The following HPSE2 variants were observed in gnomAD, a reference collection of about 807,000 sequenced individuals.
HPSE2 encodes inactive heparanase-2.
A neutral mutation model predicts 60.5 loss-of-function variants in HPSE2; 38 were observed. The observed-to-expected ratio is 0.63, with a 90% CI of 0.48 to 0.82. The LOEUF is 0.82. Ranked by LOEUF, HPSE2 falls within the 40% of genes least tolerant of loss-of-function variation. HPSE2 has a pLI of 0.00. For missense variants in HPSE2, 713 were observed against 740.4 expected, an observed-to-expected ratio of 0.96 and a Z score of 0.43; for synonymous variants, 295 against 293.2, an observed-to-expected ratio of 1.01 and a Z score of -0.06.
the HPSE2 span, among the ~76,000 whole-genome samples, chr10:99,283,888 A>C: frequency 1.3e-5 from 2 of 152,180 alleles, no homozygotes; most frequent in African/African-American, 4.8e-5. Context: ...AGTAATCAAA[A>C]ATGTTTCAAC....
intron 3 of HPSE2, among the ~76,000 whole-genome samples, chr10:99,007,983 A>G (rs1456904597): frequency 1.3e-5 from 2 of 152,192 alleles, no homozygotes; most frequent in Non-Finnish European, 2.9e-5. Context: ...CTCAAGAAAA[A>G]GAGAAGCACT....
At chr10:98,863,371 GTGTGTC>G (rs1195978252) in intron 3 of HPSE2, among the ~76,000 whole-genome samples, 1 of 152,134 alleles carries the variant, frequency 6.6e-6, no homozygotes, top group East Asian at 1.9e-4. Flanking sequence ...GTATGTATCT[GTGTGTC>G]TGTGTCTGTG....
chr10:98,725,511 T>C (rs935109185), intron 4 of HPSE2, among the ~76,000 whole-genome samples: 8 of 152,264 alleles, frequency 5.3e-5, no homozygotes, highest in African/African-American at 1.7e-4. Context: ...AAGACTTAAA[T>C]GTTAGACCTA....
the HPSE2 span, among the ~76,000 whole-genome samples, chr10:99,276,995 A>G: frequency 6.6e-6 from 1 of 152,232 alleles, no homozygotes; most frequent in African/African-American, 2.4e-5. Flanking sequence ...TTACCCAGTC[A>G]TAAGCTAAAT....
At chr10:98,729,503 G>A (rs753450092) in intron 4 of HPSE2, among the ~76,000 whole-genome samples, 4 of 152,072 alleles carry the variant, frequency 2.6e-5, no homozygotes, top group Non-Finnish European at 4.4e-5. Context: ...CAGCTACTTG[G>A]GAGGCTGAGG....
chr10:98,528,137 G>A (rs985976857), intron 9 of HPSE2, among the ~76,000 whole-genome samples: 9 of 151,960 alleles, frequency 5.9e-5, no homozygotes, highest in Non-Finnish European at 8.8e-5. Flanking sequence ...GGTATCACCC[G>A]CATTCTCATT....
At chr10:98,734,621 T>A (rs561844569) in intron 4 of HPSE2, among the ~76,000 whole-genome samples, 1 of 152,286 alleles carries the variant, frequency 6.6e-6, no homozygotes, top group East Asian at 1.9e-4. Flanking sequence ...ATGTTGAGCA[T>A]CTTTTCATGT....
chr10:98,960,735 A>ATTTTTTT (rs1192601127), intron 3 of HPSE2, among the ~76,000 whole-genome samples: 19 of 48,346 alleles, frequency 3.9e-4, no homozygotes, highest in South Asian at 9.1e-4. Flanking sequence ...TATTTTTTTT[A>ATTTTTTT]TTTTATTTTT....
intron 9 of HPSE2, among the ~76,000 whole-genome samples, chr10:98,559,591 C>T (rs1166704262): frequency 6.6e-6 from 1 of 152,166 alleles, no homozygotes; most frequent in Non-Finnish European, 1.5e-5. Flanking sequence ...TTCATTAATC[C>T]ATCCGCTCAC....
intron 7 of HPSE2, among the ~76,000 whole-genome samples, chr10:98,635,190 G>T (rs1473614336): frequency 1.3e-5 from 2 of 152,138 alleles, no homozygotes; most frequent in Non-Finnish European, 2.9e-5. Flanking sequence ...AAGAAAGAAG[G>T]AAATGAAGGC....
the HPSE2 span, among the ~76,000 whole-genome samples, chr10:99,249,084 T>G: frequency 6.6e-6 from 1 of 152,156 alleles, no homozygotes; most frequent in Non-Finnish European, 1.5e-5. Context: ...GGAGGGGAAA[T>G]GTGGGGTTGG....
intron 3 of HPSE2, among the ~76,000 whole-genome samples, chr10:98,986,502 G>C (rs2135321325): frequency 1.3e-5 from 2 of 151,180 alleles, no homozygotes; most frequent in South Asian, 4.3e-4. Context: ...AGTGTGTAGA[G>C]GGAAATTTAT....
At chr10:98,920,412 G>A (rs1184378806) in intron 3 of HPSE2, among the ~76,000 whole-genome samples, 1 of 152,074 alleles carries the variant, frequency 6.6e-6, no homozygotes, top group Non-Finnish European at 1.5e-5. Flanking sequence ...AAACTTATGT[G>A]TCTAACTGCA....
rs1174481779 is a variant in HPSE2, at chr10:98,825,414, C to T, written c.611-81358G>A. ...TATAAGTCCTTAAGTGTTTGCTCTT[C>T]CTCGAGCAAGGCTAGCTCTTTCCTG... is the stretch of plus-strand genomic sequence containing the variant. On this transcript the variant is annotated intron_variant, in intron 3 of 11. Transcript: ENST00000370552. Among the ~76,000 whole-genome samples the T allele has an allele frequency of 2.0e-5, 3 of 152,166 alleles. No individual in the cohort carries two copies. The East Asian group carries it at 5.8e-4, about 29-fold the overall frequency.
chr10:99,111,560 T>C (rs551298052), intron 3 of HPSE2, among the ~76,000 whole-genome samples: 2 of 152,290 alleles, frequency 1.3e-5, no homozygotes, highest in Non-Finnish European at 2.9e-5. Context: ...TTTCAAATTG[T>C]TCAACAATTC....
At chr10:98,970,384 C>A (rs927132670) in intron 3 of HPSE2, among the ~76,000 whole-genome samples, 23 of 152,136 alleles carry the variant, frequency 1.5e-4, no homozygotes, top group African/African-American at 5.3e-4. Flanking sequence ...CACCTCCCAC[C>A]ATGCCCCACT....
At chr10:98,726,053 CA>C (rs1949069502) in intron 4 of HPSE2, among the ~76,000 whole-genome samples, 1 of 152,178 alleles carries the variant, frequency 6.6e-6, no homozygotes, top group South Asian at 2.1e-4. Context: ...TAAACTAGTT[CA>C]ACCATTGTGG....
chr10:98,738,567 A>T (rs1949415628), intron 4 of HPSE2, among the ~76,000 whole-genome samples: 1 of 152,246 alleles, frequency 6.6e-6, no homozygotes, highest in Non-Finnish European at 1.5e-5. Flanking sequence ...AAATTTTTGC[A>T]ATCTATCCAT....
chr10:98,830,407 A>G (rs911965495), intron 3 of HPSE2, among the ~76,000 whole-genome samples: 25 of 152,190 alleles, frequency 1.6e-4, no homozygotes, highest in African/African-American at 5.5e-4. Context: ...ACTATTTTAG[A>G]TGCCCTATAT....
Sources: allele counts gnomAD v4.1 joint callset (sites outside exome capture counted in the v4.1 genomes callset), GRCh38; gene constraint gnomAD v4.1.1; transcripts MANE v1.5; gene names NCBI Gene and HGNC (gene_info 2026-07-23, HGNC 2026-07-21).